LOC400499: variants seen among roughly 807,000 people sequenced by gnomAD.
the LOC400499 span, among the ~76,000 whole-genome samples, chr16:11,426,591 CT>C: frequency 6.6e-6 from 1 of 151,466 alleles, no homozygotes. Context: ...TACTGTATTT[CT>C]TAGCTACTGC....
the LOC400499 span, among the ~76,000 whole-genome samples, chr16:11,420,609 GGA>G: frequency 6.2e-5 from 1 of 16,162 alleles, no homozygotes; most frequent in Non-Finnish European, 1.2e-4. Context: ...CCCCCCCCCC[GGA>G]AAAAAACCCC....
the LOC400499 span, chr16:11,469,470 T>C: frequency 2.5e-6 from 1 of 398,904 alleles, no homozygotes; most frequent in Admixed American, 4.4e-5. Context: ...TGGCACCGAG[T>C]GAGGGGCGCA....
the LOC400499 span, chr16:11,514,261 C>T: frequency 2.5e-5 from 10 of 398,496 alleles, no homozygotes; most frequent in Middle Eastern, 6.3e-4. Flanking sequence ...GTGTCCAGGC[C>T]GGGACAGAGG....
the LOC400499 span, among the ~76,000 whole-genome samples, chr16:11,383,373 GCTT>G: frequency 6.6e-6 from 1 of 152,142 alleles, no homozygotes; most frequent in Non-Finnish European, 1.5e-5. Context: ...AGCCTTGCCA[GCTT>G]CTTTTTAAAC....
At chr16:11,380,681 G>A in the LOC400499 span, among the ~76,000 whole-genome samples, 1 of 149,350 alleles carries the variant, frequency 6.7e-6, no homozygotes, top group African/African-American at 2.5e-5. Context: ...GTCCAAGAGG[G>A]GAATAACTTA....
chr16:11,470,360 G>GCGAGGTA, the LOC400499 span, among the ~76,000 whole-genome samples: 1 of 152,202 alleles, frequency 6.6e-6, no homozygotes, highest in East Asian at 1.9e-4. Context: ...AACACACTCT[G>GCGAGGTA]CGAGTACCTC....
the LOC400499 span, among the ~76,000 whole-genome samples, chr16:11,406,710 G>C: frequency 6.6e-6 from 1 of 152,202 alleles, no homozygotes; most frequent in Non-Finnish European, 1.5e-5. Flanking sequence ...GGGATTACAG[G>C]CGCGAGCCAC....
At chr16:11,476,216 G>A in the LOC400499 span, among the ~76,000 whole-genome samples, 2 of 151,988 alleles carry the variant, frequency 1.3e-5, no homozygotes, top group Non-Finnish European at 2.9e-5. Flanking sequence ...GGAGGGAGAT[G>A]GGCAGAGTCC....
chr16:11,442,670 C>G, the LOC400499 span: 1 of 152,328 alleles, frequency 6.6e-6, no homozygotes, highest in South Asian at 2.1e-4. Flanking sequence ...CACTGGAAAT[C>G]TGGGTTTTAC....
the LOC400499 span, among the ~76,000 whole-genome samples, chr16:11,456,408 C>T: frequency 6.6e-6 from 1 of 151,830 alleles, no homozygotes; most frequent in Non-Finnish European, 1.5e-5. Flanking sequence ...TCTGCAAATG[C>T]AAAGGCCCTG....
chr16:11,412,972 G>A, the LOC400499 span: 3 of 399,198 alleles, frequency 7.5e-6, no homozygotes, highest in South Asian at 1.3e-4. Context: ...GGAGCAGGCT[G>A]TGAGATGTGT....
chr16:11,435,876 G>C, the LOC400499 span: 1 of 399,256 alleles, frequency 2.5e-6, no homozygotes. Context: ...GCAGCTGCCT[G>C]CACCTGCAGG....
the LOC400499 span, among the ~76,000 whole-genome samples, chr16:11,479,993 C>T: frequency 6.6e-6 from 1 of 152,138 alleles, no homozygotes; most frequent in Non-Finnish European, 1.5e-5. Context: ...AAACCCAGCT[C>T]TCCGGCTGCT....
At chr16:11,491,486 T>A in the LOC400499 span, among the ~76,000 whole-genome samples, 1 of 152,124 alleles carries the variant, frequency 6.6e-6, no homozygotes, top group African/African-American at 2.4e-5. Flanking sequence ...AGTCATCCAA[T>A]GGCAGAATGG....
chr16:11,514,683 C>T, the LOC400499 span: 921 of 397,734 alleles, frequency 2.3e-3, 8 homozygotes, highest in African/African-American at 0.016. Flanking sequence ...GGGAGGAGAC[C>T]CTGAGGGCTG....
the LOC400499 span, among the ~76,000 whole-genome samples, chr16:11,417,251 G>A: frequency 1.6e-4 from 25 of 152,118 alleles, no homozygotes; most frequent in Admixed American, 1.6e-3. Context: ...TTTTGAGACA[G>A]GGTCTCATTC....
the LOC400499 span, among the ~76,000 whole-genome samples, chr16:11,387,675 T>G: frequency 6.6e-6 from 1 of 152,098 alleles, no homozygotes; most frequent in Non-Finnish European, 1.5e-5. Flanking sequence ...TCGCCCAGGC[T>G]GGAGTGTAGT....
the LOC400499 span, chr16:11,439,495 G>A: frequency 5.0e-6 from 2 of 399,092 alleles, no homozygotes; most frequent in Non-Finnish European, 8.8e-6. Flanking sequence ...ACACCTGGAA[G>A]TTTGGAGGAA....
At chr16:11,376,917 C>G in the LOC400499 span, among the ~76,000 whole-genome samples, 1 of 143,726 alleles carries the variant, frequency 7.0e-6, no homozygotes, top group Non-Finnish European at 1.5e-5. Context: ...CTATTTTATT[C>G]TTTTTGATGC....
Sources: allele counts gnomAD v4.1 joint callset (sites outside exome capture counted in the v4.1 genomes callset), GRCh38; gene constraint gnomAD v4.1.1; transcripts MANE v1.5.